The following AHI1 variants were observed in gnomAD, a reference collection of about 807,000 sequenced individuals.
AHI1 encodes Abelson helper integration site 1, also known as jouberin.
AHI1 carries 123 observed loss-of-function variants against 149.3 expected under a neutral mutation model. The observed-to-expected ratio is 0.82, with a 90% CI of 0.71 to 0.96. The LOEUF is 0.96. Ranked by LOEUF, AHI1 falls within the 40% of genes least tolerant of loss-of-function variation. The pLI is 0.00. For synonymous variants in AHI1, 475 were observed against 459.8 expected (o/e 1.03, Z -0.42); for missense variants, 1,439 against 1,422.7 (o/e 1.01, Z -0.18).
In AHI1 at chr6:135,293,615, C is replaced by CAACAAATACCT. The variant is rs1782684859; in HGVS notation, c.3486-3091_3486-3090insAGGTATTTGTT. Reference sequence around the variant, plus strand: ...AATCAGTAGTATTTCTATAAACTAGCGACAATACCATTTACATATGAAACA... The same window carrying CAACAAATACCT: ...AATCAGTAGTATTTCTATAAACTAGCAACAAATACCTGACAATACCATTTACATATGAAACA... On this transcript the variant is annotated intron_variant, in intron 27 of 28. Coordinates refer to ENST00000265602, the MANE Select transcript of AHI1 (RefSeq NM_001134831.2). Among the ~76,000 whole-genome samples the CAACAAATACCT allele has an allele frequency of 4.9e-5, 5 of 102,834 alleles. No individual in the cohort carries two copies. The African/African-American group carries it at 6.6e-4, about 14-fold the overall frequency. 67.5% of individuals were successfully genotyped at this position (102,834 alleles called of 152,430 possible). A position where few individuals can be genotyped will look rare whatever the true frequency, so the allele number is the denominator to read the frequency against.
Position 135,453,349 on chromosome 6 carries a change from A to T in AHI1, c.1432T>A (p.Phe478Ile). The T allele has an allele frequency of 6.4e-7, 1 of 1,558,586 alleles. No individual in the cohort carries two copies. The highest frequency in any genetic ancestry group is 8.7e-7 in the Non-Finnish European group (1 of 1,149,754). The change falls in exon 11 of 29, where the codon TTT (phenylalanine) becomes ATT (isoleucine). Residue 478 changes from phenylalanine (F) to isoleucine (I), a missense_variant. By Grantham distance (21) the Phe-to-Ile change is conservative. Transcript: ENST00000265602. ...ATGGATGAAAAACATACCTTAAGAA[A>T]TGCCCAGGCAATTTTCCGAAAGCCA... ...ECGFRKIAWA[F>I]LKLLGANGNA...
chr6:135,450,188 T>G (rs1328312472), intron 11 of AHI1, among the ~76,000 whole-genome samples: 1 of 151,874 alleles, frequency 6.6e-6, no homozygotes, highest in Non-Finnish European at 1.5e-5. Flanking sequence ...ATAAGAAAAA[T>G]TAGGAGAGGA....
At chr6:135,445,897 A>G (rs1787121055) in intron 13 of AHI1, among the ~76,000 whole-genome samples, 1 of 152,124 alleles carries the variant, frequency 6.6e-6, no homozygotes, top group South Asian at 2.1e-4. Flanking sequence ...TCTACTAAAA[A>G]TACAAAAAAT....
chr6:135,361,734 T>C (rs1793919606), intron 23 of AHI1, among the ~76,000 whole-genome samples: 1 of 151,792 alleles, frequency 6.6e-6, no homozygotes, highest in Non-Finnish European at 1.5e-5. Context: ...AAATTTTTCA[T>C]TTTCTTCAGT....
chr6:135,357,542 A>T (rs1793181935), intron 24 of AHI1, among the ~76,000 whole-genome samples: 1 of 152,228 alleles, frequency 6.6e-6, no homozygotes, highest in South Asian at 2.1e-4. Flanking sequence ...AAGTACTTGG[A>T]AGACTTATGA....
At chr6:135,389,465 A>G (rs1474395798) in intron 23 of AHI1, among the ~76,000 whole-genome samples, 1 of 152,230 alleles carries the variant, frequency 6.6e-6, no homozygotes, top group Non-Finnish European at 1.5e-5. Context: ...GGAAAATAGG[A>G]TATGGCAAAA....
chr6:135,368,230 C>A (rs191083181), intron 23 of AHI1, among the ~76,000 whole-genome samples: 1 of 152,136 alleles, frequency 6.6e-6, no homozygotes, highest in East Asian at 1.9e-4. Context: ...CCAGCCCCTG[C>A]GCTGGTGGAG....
chr6:135,355,236 A>G (rs1792768375), intron 24 of AHI1, among the ~76,000 whole-genome samples: 1 of 152,194 alleles, frequency 6.6e-6, no homozygotes, highest in African/African-American at 2.4e-5. Context: ...GATTATAGAC[A>G]GTTAAAAATA....
At chr6:135,303,146 C>T (rs1170808600) in intron 26 of AHI1, among the ~76,000 whole-genome samples, 1 of 152,128 alleles carries the variant, frequency 6.6e-6, no homozygotes, top group East Asian at 1.9e-4. Flanking sequence ...TGATTAAATG[C>T]TTCCACTGAT....
In AHI1 at chr6:135,394,769, G is replaced by A; in HGVS notation, c.3109+7C>T. 4.3e-6 allele frequency: 7 copies of A among 1,610,008 alleles called. No homozygotes were observed. The highest frequency in any genetic ancestry group is 5.9e-6 in the Non-Finnish European group (7 of 1,177,728). Reference sequence around the variant, plus strand: ...AAAAGAATTGTCAAAGTAAGAAAGGGGCTCACCGGTCTGAGTGAAACCAAA... The same window carrying A: ...AAAAGAATTGTCAAAGTAAGAAAGGAGCTCACCGGTCTGAGTGAAACCAAA... On this transcript the variant is annotated splice_region_variant and intron_variant, in intron 23 of 28. Coordinates refer to ENST00000265602, the MANE Select transcript of AHI1 (RefSeq NM_001134831.2).
At chr6:135,386,892 A>G (rs551247983) in intron 23 of AHI1, among the ~76,000 whole-genome samples, 2 of 152,080 alleles carry the variant, frequency 1.3e-5, no homozygotes, top group Non-Finnish European at 2.9e-5. Flanking sequence ...CGGCCTCCCA[A>G]GGGGATCATA....
intron 23 of AHI1, among the ~76,000 whole-genome samples, chr6:135,393,989 T>C (rs1778874694): frequency 6.6e-6 from 1 of 152,074 alleles, no homozygotes. Context: ...AAGTTCCAAA[T>C]ACTTTCAAGG....
At chr6:135,360,855 T>C (rs1002480931) in intron 23 of AHI1, among the ~76,000 whole-genome samples, 20 of 152,220 alleles carry the variant, frequency 1.3e-4, no homozygotes, top group Non-Finnish European at 1.8e-4. Context: ...AAGCAGTCTG[T>C]CAGCAGAATA....
chr6:135,453,738 C>T (rs1398287627), intron 10 of AHI1, among the ~76,000 whole-genome samples: 2 of 151,986 alleles, frequency 1.3e-5, no homozygotes, highest in Admixed American at 1.3e-4. Flanking sequence ...AATTCTTAAG[C>T]TTTCATTGTT....
At chr6:135,445,999 T>C (rs1787145388) in intron 13 of AHI1, among the ~76,000 whole-genome samples, 1 of 151,596 alleles carries the variant, frequency 6.6e-6, no homozygotes, top group African/African-American at 2.4e-5. Context: ...GAGCTTGCAG[T>C]GAGCCGAGAT....
At position 135,284,647 on chromosome 6, in the gene AHI1, G is replaced by GT; in HGVS notation, c.*997dup. On this transcript the variant is annotated 3_prime_UTR_variant, in exon 29 of 29. Coordinates refer to ENST00000265602, the MANE Select transcript of AHI1 (RefSeq NM_001134831.2). Reference sequence around the variant, plus strand: ...AAGATTAAAATAAATATTAAACAATGTAAGTCTACAAAATAGGTATGTGCT... The same window carrying GT: ...AAGATTAAAATAAATATTAAACAATGTTAAGTCTACAAAATAGGTATGTGCT... 6.6e-6 allele frequency: 1 copy of GT among 151,934 alleles called. No individual in the cohort carries two copies. The highest frequency in any genetic ancestry group is 1.5e-5 in the Non-Finnish European group (1 of 67,978). 9.4% of individuals were successfully genotyped at this position (151,934 alleles called of 1,614,324 possible). A position where few individuals can be genotyped will look rare whatever the true frequency, so the allele number is the denominator to read the frequency against.
intron 25 of AHI1, among the ~76,000 whole-genome samples, chr6:135,319,270 G>C (rs533088882): frequency 5.4e-4 from 82 of 152,200 alleles, no homozygotes; most frequent in Non-Finnish European, 9.7e-4. Flanking sequence ...GAGGCCAAGA[G>C]TTTGAGACCA....
chr6:135,482,922 C>T (rs1325909200), intron 5 of AHI1, among the ~76,000 whole-genome samples: 1 of 2,308 alleles, frequency 4.3e-4, no homozygotes, highest in Non-Finnish European at 1.3e-3. Context: ...GACAGAGTCT[C>T]ACTCTGTCAC....
intron 24 of AHI1, among the ~76,000 whole-genome samples, chr6:135,355,830 C>T (rs771596462): frequency 4.6e-5 from 7 of 152,100 alleles, no homozygotes; most frequent in African/African-American, 7.2e-5. Flanking sequence ...ACCCGGGAGA[C>T]GGACATTGCA....
Sources: allele counts gnomAD v4.1 joint callset (sites outside exome capture counted in the v4.1 genomes callset), GRCh38; gene constraint gnomAD v4.1.1; transcripts MANE v1.5; gene names NCBI Gene and HGNC (gene_info 2026-07-23, HGNC 2026-07-21).